Variants in REPS2 observed in about 807,000 individuals in gnomAD.
REPS2 encodes RALBP1 associated Eps domain containing 2.
REPS2 carries 23 observed loss-of-function variants against 53.6 expected under a neutral mutation model. That is an observed-to-expected ratio of 0.43 (90% CI 0.31 to 0.61). REPS2 has a LOEUF of 0.61. REPS2 is among the 20% of genes least tolerant of loss of function. The pLI, the probability that REPS2 is intolerant of heterozygous loss-of-function variation, is 0.11. For missense variants in REPS2, 446 were observed against 534.9 expected, an observed-to-expected ratio of 0.83 and a Z score of 1.64; for synonymous variants, 238 against 218.6, an observed-to-expected ratio of 1.09 and a Z score of -0.78.
chrX:16,978,505 T>C, intron 1 of REPS2: 2 of 687,423 alleles, frequency 2.9e-6, no homozygotes, highest in Non-Finnish European at 3.5e-6. Context: ...TTCCTTTTTT[T>C]CTTTTTTTTT....
the REPS2 span, among the ~76,000 whole-genome samples, chrX:17,166,660 C>T: frequency 2.7e-5 from 3 of 111,915 alleles, no homozygotes; most frequent in Non-Finnish European, 5.6e-5. Flanking sequence ...AGCTACAGAA[C>T]ATTGTGTGCC....
At chrX:17,195,537 T>C in the REPS2 span, among the ~76,000 whole-genome samples, 1 of 112,293 alleles carries the variant, frequency 8.9e-6, no homozygotes, top group Non-Finnish European at 1.9e-5. Flanking sequence ...CTTATTCACG[T>C]ACAAAACCCA....
intron 7 of REPS2, 56 bp downstream of exon 7, chrX:17,052,501 A>AGTTC (rs1456473256): frequency 3.3e-5 from 31 of 927,579 alleles, no homozygotes; most frequent in Non-Finnish European, 4.5e-5. Flanking sequence ...CTCATCCTTT[A>AGTTC]GTTCCTACCT....
rs950809606 is a variant in REPS2, at chrX:16,989,511, T to G, written c.274-16710T>G. 5.4e-5 allele frequency among the ~76,000 whole-genome samples: 6 copies of G among 110,219 alleles called. No individual in the cohort carries two copies. The Admixed American group carries it at 5.8e-4, about 11-fold the overall frequency. On this transcript the variant is annotated intron_variant, in intron 1 of 17. Transcript: ENST00000357277. ...GAGGATGAAAAGACAGACTACAGAG[T>G]GGGGGGAAATATTTGCAAACTACGT...
chrX:17,170,389 C>T, the REPS2 span, among the ~76,000 whole-genome samples: 16,016 of 112,225 alleles, frequency 0.14, 850 homozygotes, highest in Admixed American at 0.19. Flanking sequence ...TCCTACCATG[C>T]ACAAGAAAAT....
intron 13 of REPS2, among the ~76,000 whole-genome samples, chrX:17,084,054 C>T (rs2062498280): frequency 9.3e-6 from 1 of 106,985 alleles, no homozygotes; most frequent in African/African-American, 3.5e-5. Flanking sequence ...AACCCCATAC[C>T]TATTAGCAAT....
chrX:17,191,128 A>T, the REPS2 span, among the ~76,000 whole-genome samples: 1 of 112,035 alleles, frequency 8.9e-6, no homozygotes, highest in Non-Finnish European at 1.9e-5. Context: ...ATCAAAATTA[A>T]AAATGTCTGC....
At chrX:16,953,152 C>T (rs1199550396) in intron 1 of REPS2, among the ~76,000 whole-genome samples, 1 of 106,787 alleles carries the variant, frequency 9.4e-6, no homozygotes, top group Non-Finnish European at 1.9e-5. Flanking sequence ...CACAAACACA[C>T]AAACCAGTAA....
chrX:17,063,923 TACAC>T lies in REPS2; in HGVS notation c.1209+1417_1209+1420del, dbSNP rs3842475. On this transcript the variant is annotated intron_variant, in intron 9 of 17. Coordinates refer to ENST00000357277, the MANE Select transcript of REPS2 (RefSeq NM_004726.3). ...CACATGCACACGTCTGTTTTACTGTTACACACACACACACACACACACACACACA... is the reference window on the plus strand; with the variant it reads ...CACATGCACACGTCTGTTTTACTGTTACACACACACACACACACACACACA... 1.9e-3 allele frequency among the ~76,000 whole-genome samples: 195 copies of T among 100,110 alleles called. 1 individual carries two copies. The highest frequency in any genetic ancestry group is 3.7e-3 in the African/African-American group (101 of 27,419). The allele number at this position is 100,110 out of a possible 115,157, so 86.9% of individuals were successfully genotyped here.
At chrX:16,952,749 T>C (rs1401209244) in intron 1 of REPS2, among the ~76,000 whole-genome samples, 1 of 112,294 alleles carries the variant, frequency 8.9e-6, no homozygotes, top group East Asian at 2.8e-4. Context: ...AAAATTTAAA[T>C]GAAACAACTT....
chrX:17,005,933 C>T (rs2061357723), intron 1 of REPS2, among the ~76,000 whole-genome samples: 1 of 112,219 alleles, frequency 8.9e-6, no homozygotes, highest in African/African-American at 3.2e-5. Context: ...TCCTTTGTAA[C>T]TAGAGCAACA....
intron 14 of REPS2, among the ~76,000 whole-genome samples, chrX:17,117,678 T>G (rs949511161): frequency 5.5e-5 from 6 of 109,887 alleles, no homozygotes; most frequent in African/African-American, 1.0e-4. Flanking sequence ...CTATCATTGT[T>G]GGACATTTGG....
At chrX:17,015,450 G>T (rs936358057) in intron 2 of REPS2, among the ~76,000 whole-genome samples, 1 of 109,741 alleles carries the variant, frequency 9.1e-6, no homozygotes, top group Admixed American at 9.7e-5. Flanking sequence ...TAGGGTACAT[G>T]TGCACAACGT....
At chrX:17,091,085 G>GT (rs2062610812) in intron 13 of REPS2, among the ~76,000 whole-genome samples, 1 of 112,106 alleles carries the variant, frequency 8.9e-6, no homozygotes, top group African/African-American at 3.2e-5. Context: ...TGATTTATAT[G>GT]TTTATTTTTA....
intron 13 of REPS2, among the ~76,000 whole-genome samples, chrX:17,083,252 T>C (rs950457518): frequency 2.7e-5 from 3 of 109,245 alleles, no homozygotes; most frequent in African/African-American, 1.0e-4. Flanking sequence ...GCCCTGCTAA[T>C]TTTTTGTATT....
intron 1 of REPS2, among the ~76,000 whole-genome samples, chrX:16,992,540 T>G (rs1347110192): frequency 2.7e-5 from 3 of 111,828 alleles, no homozygotes; most frequent in African/African-American, 9.7e-5. Context: ...AACATAGACA[T>G]TCTTCATTGC....
chrX:17,122,622 C>T (rs193066759), intron 14 of REPS2, among the ~76,000 whole-genome samples: 12 of 112,099 alleles, frequency 1.1e-4, no homozygotes, highest in Non-Finnish European at 1.5e-4. Context: ...AACAGTTTTA[C>T]GAAGTGTTTG....
chrX:17,165,428 T>C, the REPS2 span, among the ~76,000 whole-genome samples: 1 of 111,624 alleles, frequency 9.0e-6, no homozygotes, highest in Non-Finnish European at 1.9e-5. Context: ...TCATAGTGTT[T>C]GCCTTCCTGG....
chrX:16,960,030 A>G (rs1018776028), intron 1 of REPS2, among the ~76,000 whole-genome samples: 1 of 112,016 alleles, frequency 8.9e-6, no homozygotes, highest in African/African-American at 3.2e-5. Context: ...TTTAACGTAT[A>G]TAAAACAATC....
Sources: allele counts gnomAD v4.1 joint callset (sites outside exome capture counted in the v4.1 genomes callset), GRCh38; gene constraint gnomAD v4.1.1; transcripts MANE v1.5; gene names NCBI Gene and HGNC (gene_info 2026-07-23, HGNC 2026-07-21).